The following BAALC variants were observed in gnomAD, a reference collection of about 807,000 sequenced individuals.
BAALC encodes brain and acute leukemia cytoplasmic protein.
Under a neutral mutation model 15.5 loss-of-function variants are expected in BAALC, and 9 were observed. That is an observed-to-expected ratio of 0.58 (90% confidence interval 0.35 to 1.02). The LOEUF (loss-of-function observed/expected upper bound fraction) is 1.02, where lower values mean the gene tolerates loss of function less well. Among genes scored for constraint, BAALC ranks in the 50% least tolerant of loss-of-function variants. BAALC has a pLI of 0.02. For synonymous variants in BAALC, 80 were observed against 74.6 expected, an observed-to-expected ratio of 1.07 and a Z score of -0.37; for missense variants, 201 against 192.4, an observed-to-expected ratio of 1.04 and a Z score of -0.27.
At chr8:103,223,181 G>A (rs1047185291) in intron 2 of BAALC, among the ~76,000 whole-genome samples, 3 of 152,038 alleles carry the variant, frequency 2.0e-5, no homozygotes, top group African/African-American at 4.8e-5. Flanking sequence ...TGTGGTGCAC[G>A]CCTGTAGTCC....
chr8:103,162,015 C>T (rs544584046), intron 1 of BAALC, among the ~76,000 whole-genome samples: 2 of 152,196 alleles, frequency 1.3e-5, no homozygotes, highest in South Asian at 2.1e-4. Context: ...GGCTGAAGCA[C>T]AGTGATACGA....
chr8:103,164,552 T>C (rs985857287), intron 1 of BAALC, among the ~76,000 whole-genome samples: 1 of 152,240 alleles, frequency 6.6e-6, no homozygotes, highest in African/African-American at 2.4e-5. Flanking sequence ...AGACAAATGA[T>C]GAAATTCTTG....
intron 1 of BAALC, among the ~76,000 whole-genome samples, chr8:103,151,940 C>A (rs566715442): frequency 6.6e-6 from 1 of 152,076 alleles, no homozygotes; most frequent in African/African-American, 2.4e-5. Context: ...TATACGGGAA[C>A]CTCACAGGCA....
chr8:103,152,904 G>A (rs1586375175), intron 1 of BAALC, among the ~76,000 whole-genome samples: 2 of 152,124 alleles, frequency 1.3e-5, no homozygotes, highest in African/African-American at 2.4e-5. Context: ...AGAAGGAGAC[G>A]GGCAGAAAGG....
intron 1 of BAALC, among the ~76,000 whole-genome samples, chr8:103,150,320 T>C (rs1267030803): frequency 6.8e-6 from 1 of 147,876 alleles, no homozygotes; most frequent in African/African-American, 2.5e-5. Context: ...ATATCATGGA[T>C]ATAGAAACAT....
At chr8:103,207,476 C>T (rs1023440010) in intron 1 of BAALC, among the ~76,000 whole-genome samples, 1 of 152,144 alleles carries the variant, frequency 6.6e-6, no homozygotes, top group Non-Finnish European at 1.5e-5. Flanking sequence ...TAGATAAAGG[C>T]TAGTTAGTAA....
intron 2 of BAALC, among the ~76,000 whole-genome samples, chr8:103,214,351 G>A (rs1812513019): frequency 6.6e-6 from 1 of 152,250 alleles, no homozygotes; most frequent in Non-Finnish European, 1.5e-5. Context: ...AACAAAGCTA[G>A]TGGATTGGTT....
At chr8:103,212,813 C>A (rs1586435552) in intron 1 of BAALC, 106 bp from the exon 2 acceptor site, 2 of 1,261,384 alleles carry the variant, frequency 1.6e-6, no homozygotes, top group East Asian at 4.8e-5. Flanking sequence ...TTTCTGGCAA[C>A]TTTTGTTTTT....
At chr8:103,221,837 T>A (rs1276365540) in intron 2 of BAALC, among the ~76,000 whole-genome samples, 2 of 152,234 alleles carry the variant, frequency 1.3e-5, no homozygotes, top group Non-Finnish European at 1.5e-5. Flanking sequence ...AGAGATTTAT[T>A]CTGAACCAAA....
intron 1 of BAALC, 151 bp from the exon 2 acceptor site, chr8:103,212,768 G>A: frequency 1.4e-6 from 1 of 693,624 alleles, no homozygotes; most frequent in Non-Finnish European, 2.2e-6. Context: ...AAGCATATAT[G>A]TTCTTATAGA....
intron 1 of BAALC, among the ~76,000 whole-genome samples, chr8:103,159,093 G>A (rs1239858118): frequency 1.3e-5 from 2 of 152,120 alleles, no homozygotes; most frequent in African/African-American, 4.8e-5. Context: ...TGTATTCTCT[G>A]TAAACTGATA....
chr8:103,207,977 G>A (rs1027952703), intron 1 of BAALC, among the ~76,000 whole-genome samples: 2 of 152,170 alleles, frequency 1.3e-5, no homozygotes, highest in Non-Finnish European at 2.9e-5. Context: ...GTGTCCTCTT[G>A]ACCACACTGG....
At chr8:103,204,369 C>T (rs1194320589) in intron 1 of BAALC, among the ~76,000 whole-genome samples, 4 of 152,076 alleles carry the variant, frequency 2.6e-5, no homozygotes, top group African/African-American at 7.2e-5. Flanking sequence ...CTGTGGATTG[C>T]CTTTTCACTT....
intron 1 of BAALC, among the ~76,000 whole-genome samples, chr8:103,170,366 G>A (rs1187012159): frequency 6.6e-6 from 1 of 152,046 alleles, no homozygotes; most frequent in Non-Finnish European, 1.5e-5. Context: ...CTAACTCCCA[G>A]TACATGTGAG....
chr8:103,192,677 C>T (rs1439823941), intron 1 of BAALC, among the ~76,000 whole-genome samples: 3 of 152,152 alleles, frequency 2.0e-5, no homozygotes, highest in East Asian at 1.9e-4. Context: ...CCAAGGGAAA[C>T]TCTAAAAGGA....
At chr8:103,177,134 T>A (rs1366161711) in intron 1 of BAALC, among the ~76,000 whole-genome samples, 1 of 152,114 alleles carries the variant, frequency 6.6e-6, no homozygotes, top group Non-Finnish European at 1.5e-5. Flanking sequence ...AATTTCCTTT[T>A]CTCCTTTTCT....
intron 1 of BAALC, among the ~76,000 whole-genome samples, chr8:103,159,638 CTT>C (rs1451162441): frequency 6.6e-6 from 1 of 152,156 alleles, no homozygotes; most frequent in Non-Finnish European, 1.5e-5. Flanking sequence ...GGTTTCCCAT[CTT>C]TGGCTAGTGG....
rs1812482203 is a variant in BAALC at position 103,212,946 on chromosome 8, A to G, written c.188A>G (p.Asn63Ser). The G allele has an allele frequency of 6.2e-7, 1 of 1,613,678 alleles. No homozygotes were observed. Among genetic ancestry groups the G allele is most frequent in the African/African-American group, 1.3e-5 (1 of 74,896 alleles). ...SGMLEDGLPS[N>S]GVPRSTAPGG... ...ATGCTGGAAGATGGACTGCCCTCCA[A>G]TGGTGTGCCCCGATCTACAGCCCCA... The change falls in exon 2 of 3, where the codon AAT becomes AGT. Residue 63 changes from asparagine (N) to serine (S), a missense_variant. Coordinates refer to ENST00000309982, the MANE Select transcript of BAALC (RefSeq NM_024812.3).
intron 1 of BAALC, chr8:103,171,849 A>G (rs1179908779): frequency 6.6e-6 from 1 of 152,194 alleles, no homozygotes; most frequent in Admixed American, 6.5e-5. Flanking sequence ...AGAGTTCACT[A>G]TTGGTGAAGA....
Sources: gnomAD v4.1 joint callset for allele counts (sites outside exome capture counted in the v4.1 genomes callset) on GRCh38, gnomAD v4.1.1 for gene constraint, MANE v1.5 for transcripts, NCBI Gene and HGNC (gene_info 2026-07-23, HGNC 2026-07-21) for gene names.